CMKLR2: variants seen among roughly 807,000 people sequenced by gnomAD.
CMKLR2 encodes the protein chemerin-like receptor 2.
In CMKLR2, 18 loss-of-function variants were observed where a neutral mutation model predicts 23.0. That is an observed-to-expected ratio of 0.78 (90% CI 0.54 to 1.16). The LOEUF (loss-of-function observed/expected upper bound fraction) is 1.16, where lower values mean the gene tolerates loss of function less well. CMKLR2 is among the 50% of genes most tolerant of loss of function. CMKLR2 has a pLI of 0.00. For missense variants in CMKLR2, 401 were observed against 412.7 expected, an observed-to-expected ratio of 0.97 and a Z score of 0.25; for synonymous variants, 158 against 158.9, an observed-to-expected ratio of 0.99 and a Z score of 0.05.
chr2:206,201,797 T>C (rs993366423), intron 1 of CMKLR2, among the ~76,000 whole-genome samples: 1 of 152,078 alleles, frequency 6.6e-6, no homozygotes, highest in Non-Finnish European at 1.5e-5. Flanking sequence ...GAAACAATGA[T>C]AAACTGAAAT....
chr2:206,193,529 T>G (rs1021745134), intron 1 of CMKLR2, among the ~76,000 whole-genome samples: 1 of 152,212 alleles, frequency 6.6e-6, no homozygotes, highest in African/African-American at 2.4e-5. Context: ...TGGACAACTG[T>G]TAGAGATCTG....
upstream of CMKLR2, among the ~76,000 whole-genome samples, chr2:206,214,905 G>A (rs571989223): frequency 6.6e-6 from 1 of 152,238 alleles, no homozygotes; most frequent in East Asian, 1.9e-4. Flanking sequence ...GATTACAGGT[G>A]TGAGCCACCA....
At chr2:206,180,770 T>TATTATTATTA (rs1553513116) in intron 1 of CMKLR2, among the ~76,000 whole-genome samples, 7 of 148,160 alleles carry the variant, frequency 4.7e-5, no homozygotes, top group Non-Finnish European at 7.4e-5. Flanking sequence ...TTATTATTAT[T>TATTATTATTA]TTGAGACAGA....
At chr2:206,187,947 G>T (rs1688633548) in intron 1 of CMKLR2, among the ~76,000 whole-genome samples, 1 of 152,018 alleles carries the variant, frequency 6.6e-6, no homozygotes, top group Non-Finnish European at 1.5e-5. Flanking sequence ...ATTCAGGCTG[G>T]AGTGGAGTGG....
chr2:206,213,864 T>A (rs924527269), upstream of CMKLR2: 1 of 152,094 alleles, frequency 6.6e-6, no homozygotes, highest in Non-Finnish European at 1.5e-5. Flanking sequence ...TTTTTATTTA[T>A]TTTTTTTGAG....
At chr2:206,184,630 A>C (rs1688522590) in intron 1 of CMKLR2, among the ~76,000 whole-genome samples, 1 of 152,100 alleles carries the variant, frequency 6.6e-6, no homozygotes, top group Admixed American at 6.6e-5. Context: ...AGTCTGAGGT[A>C]ATGGGGGTTA....
intron 1 of CMKLR2, among the ~76,000 whole-genome samples, chr2:206,211,940 C>T (rs561165564): frequency 3.3e-5 from 5 of 149,910 alleles, no homozygotes; most frequent in East Asian, 2.0e-4. Context: ...TACTTGGGAA[C>T]GCCCATATCT....
intron 1 of CMKLR2, among the ~76,000 whole-genome samples, chr2:206,199,756 T>C (rs1689034170): frequency 6.6e-6 from 1 of 151,816 alleles, no homozygotes; most frequent in African/African-American, 2.4e-5. Flanking sequence ...CCACCACACC[T>C]GGCTAATTTT....
upstream of CMKLR2, among the ~76,000 whole-genome samples, chr2:206,215,542 G>A (rs1689727858): frequency 1.3e-5 from 2 of 152,220 alleles, no homozygotes; most frequent in South Asian, 4.1e-4. Context: ...ACCCAGGAAA[G>A]TGTAAGCATT....
At chr2:206,188,874 C>T (rs1216532565) in intron 1 of CMKLR2, among the ~76,000 whole-genome samples, 1 of 152,136 alleles carries the variant, frequency 6.6e-6, no homozygotes, top group Non-Finnish European at 1.5e-5. Flanking sequence ...TGCAAGAGTT[C>T]TGGCAGAAAG....
At chr2:206,208,653 T>C (rs1574329903) in intron 1 of CMKLR2, among the ~76,000 whole-genome samples, 1 of 151,980 alleles carries the variant, frequency 6.6e-6, no homozygotes, top group East Asian at 1.9e-4. Flanking sequence ...CTTTTTTTTT[T>C]TTTCCAGGCA....
chr2:206,192,483 G>T (rs1194118596), intron 1 of CMKLR2, among the ~76,000 whole-genome samples: 1 of 151,666 alleles, frequency 6.6e-6, no homozygotes, highest in Non-Finnish European at 1.5e-5. Flanking sequence ...TGGGAGGATT[G>T]CTTGAGGTCA....
At chr2:206,183,739 G>C (rs1403063457) in intron 1 of CMKLR2, among the ~76,000 whole-genome samples, 2 of 152,156 alleles carry the variant, frequency 1.3e-5, no homozygotes, top group Non-Finnish European at 2.9e-5. Flanking sequence ...GTGGAGAAAA[G>C]AGAAACGGCA....
intron 1 of CMKLR2, among the ~76,000 whole-genome samples, chr2:206,192,712 C>T (rs1019708114): frequency 5.3e-5 from 8 of 151,588 alleles, no homozygotes; most frequent in Non-Finnish European, 1.2e-4. Flanking sequence ...CACAATGTAA[C>T]GATGTAATGT....
rs776972032 is a variant in CMKLR2, at chr2:206,176,307, C to T, written c.941G>A (p.Arg314His). The change falls in exon 2 of 2, where the codon CGC becomes CAC. Residue 314 changes from arginine (R) to histidine (H), a missense_variant. Arg to His is a conservative substitution (Grantham distance 29, BLOSUM62 0). Transcript: ENST00000621141. ...TATCTCAGCAACTGAGGACCGGAAGCGAGCTTGGAACTTCTTACTAATTAG... is the reference window on the plus strand; with the variant it reads ...TATCTCAGCAACTGAGGACCGGAAGTGAGCTTGGAACTTCTTACTAATTAG... The part of the protein sequence containing the change: ...YVLISKKFQA[R>H]FRSSVAEILK... 6.8e-6 allele frequency: 11 copies of T among 1,614,122 alleles called. 1 individual carries two copies. The highest frequency in any genetic ancestry group is 6.7e-5 in the East Asian group (3 of 44,870).
Position 206,210,311 on chromosome 2 carries a change from C to T in CMKLR2, c.-29+2996G>A, listed in dbSNP as rs369005061. On this transcript the variant is annotated intron_variant, in intron 1 of 1. Transcript: ENST00000621141. ...ATGGCTTCCAGCTCCATCCATGTCC[C>T]TGCAAAGGACATGATCTAATTCCTT... is the stretch of plus-strand genomic sequence containing the variant. Among the ~76,000 whole-genome samples, 6 of 152,128 alleles carry T rather than the reference C, an allele frequency of 3.9e-5. No individual in the cohort carries two copies. The East Asian group carries it at 5.8e-4, about 15-fold the overall frequency.
intron 1 of CMKLR2, among the ~76,000 whole-genome samples, chr2:206,180,734 C>CATTAATATT (rs1553513111): frequency 1.9e-4 from 25 of 130,558 alleles, no homozygotes; most frequent in African/African-American, 6.5e-4. Flanking sequence ...GTGCCCAGCC[C>CATTAATATT]ATTATTATTA....
In CMKLR2 at chr2:206,176,130, C is replaced by A; in HGVS notation, c.*50G>T. The A allele has an allele frequency of 7.7e-7, 1 of 1,296,634 alleles. No homozygotes were observed. The highest frequency in any genetic ancestry group is 1.4e-5 in the South Asian group (1 of 68,986). 80.3% of individuals were successfully genotyped at this position (1,296,634 alleles called of 1,614,324 possible). On this transcript the variant is annotated 3_prime_UTR_variant, in exon 2 of 2. Transcript: ENST00000621141. Reference sequence around the variant, plus strand: ...ACAATTTTAATCTGAAAGCATCAGTCAGAGGACCCACATAAAAAGCCATAT... The same window carrying A: ...ACAATTTTAATCTGAAAGCATCAGTAAGAGGACCCACATAAAAAGCCATAT...
intron 1 of CMKLR2, among the ~76,000 whole-genome samples, chr2:206,193,266 C>T (rs1390967334): frequency 2.0e-5 from 3 of 152,026 alleles, no homozygotes; most frequent in Non-Finnish European, 4.4e-5. Context: ...GCCCAGTTAG[C>T]TTTTGTATTT....
Sources: allele counts gnomAD v4.1 joint callset (sites outside exome capture counted in the v4.1 genomes callset), GRCh38; gene constraint gnomAD v4.1.1; transcripts MANE v1.5; gene names NCBI Gene and HGNC (gene_info 2026-07-23, HGNC 2026-07-21).